The following KCNQ1 variants were observed in gnomAD, a reference collection of about 807,000 sequenced individuals.
KCNQ1 encodes the protein potassium voltage-gated channel subfamily Q member 1, also known as potassium voltage-gated channel subfamily KQT member 1.
KCNQ1 carries 49 observed loss-of-function variants against 72.4 expected under a neutral mutation model. That is an observed-to-expected ratio of 0.68 (90% CI 0.54 to 0.86). The LOEUF (loss-of-function observed/expected upper bound fraction) is 0.86, where lower values mean the gene tolerates loss of function less well. Ranked by LOEUF, KCNQ1 falls within the 40% of genes least tolerant of loss-of-function variation. KCNQ1 has a pLI of 0.00. For missense variants in KCNQ1, 790 were observed against 945.1 expected (o/e 0.84, Z 2.15); for synonymous variants, 450 against 412.6 (o/e 1.09, Z -1.10).
At chr11:2,556,514 T>G (rs1848072481) in intron 2 of KCNQ1, among the ~76,000 whole-genome samples, 1 of 152,220 alleles carries the variant, frequency 6.6e-6, no homozygotes, top group Non-Finnish European at 1.5e-5. Flanking sequence ...TGGCTGTTTT[T>G]GTGCTATAAC....
At chr11:2,840,833 G>C (rs1590124140) in intron 15 of KCNQ1, among the ~76,000 whole-genome samples, 1 of 152,344 alleles carries the variant, frequency 6.6e-6, no homozygotes, top group Non-Finnish European at 1.5e-5. Flanking sequence ...ACCCTGGGAG[G>C]GAGTGGGCTT....
rs148713105 is a variant in KCNQ1 at position 2,604,369 on chromosome 11, T to A, written c.1393+15515T>A. Among the ~76,000 whole-genome samples, 270 of 151,438 alleles carry A rather than the reference T, an allele frequency of 1.8e-3. 1 individual carries two copies. Among genetic ancestry groups the A allele is most frequent in the Middle Eastern group, 0.01 (3 of 294 alleles). Reference sequence around the variant, plus strand: ...GGCAGGTGCCTGTAATTCCAGCTACTCGGGAGGCTGAGGCAAGAGAATTGC... The same window carrying A: ...GGCAGGTGCCTGTAATTCCAGCTACACGGGAGGCTGAGGCAAGAGAATTGC... On this transcript the variant is annotated intron_variant, in intron 10 of 15. Transcript: ENST00000155840.
At position 2,818,716 on chromosome 11, in the gene KCNQ1, C is replaced by A. The variant is rs1490104769; in HGVS notation, c.1795-29051C>A. ...GCACCAGCTGCCCAGAGCCCCCAGCCCCTACCCTAGTCTGATGACCCAGGC... is the reference window on the plus strand; with the variant it reads ...GCACCAGCTGCCCAGAGCCCCCAGCACCTACCCTAGTCTGATGACCCAGGC... On this transcript the variant is annotated intron_variant, in intron 15 of 15. Coordinates refer to ENST00000155840, the MANE Select transcript of KCNQ1 (RefSeq NM_000218.3). The surrounding 1 kb of genome is among the most constrained non-coding windows in gnomAD (Gnocchi z 7.2). 6.6e-6 allele frequency among the ~76,000 whole-genome samples: 1 copy of A among 152,100 alleles called. No individual in the cohort carries two copies. Among genetic ancestry groups the A allele is most frequent in the African/African-American group, 2.4e-5 (1 of 41,410 alleles).
Position 2,679,322 on chromosome 11 carries a change from T to A in KCNQ1, c.1514+17241T>A, listed in dbSNP as rs1850347145. The A allele has an allele frequency of 2.5e-6, 1 of 398,542 alleles. No individual in the cohort carries two copies. Among genetic ancestry groups the A allele is most frequent in the South Asian group, 1.3e-4 (1 of 7,868 alleles). 24.7% of individuals were successfully genotyped at this position (398,542 alleles called of 1,614,324 possible). On this transcript the variant is annotated intron_variant, in intron 11 of 15. Transcript: ENST00000155840. The surrounding 1 kb of genome is among the most constrained non-coding windows in gnomAD (Gnocchi z 4.8). Reference sequence around the variant, plus strand: ...TAATAACAGGGTCTGGAGTCTGAACTCATATCCTAATTCCACTACTTTCTA... The same window carrying A: ...TAATAACAGGGTCTGGAGTCTGAACACATATCCTAATTCCACTACTTTCTA...
At chr11:2,581,996 G>A (rs1006275700) in intron 6 of KCNQ1, among the ~76,000 whole-genome samples, 3 of 152,234 alleles carry the variant, frequency 2.0e-5, no homozygotes, top group African/African-American at 7.2e-5. Flanking sequence ...ATAAGCGAAC[G>A]TGCGGTCAGG....
rs999754019 is a variant in KCNQ1 at position 2,657,776 on chromosome 11, A to G, written c.1394-4185A>G. 2.8e-5 allele frequency: 11 copies of G among 398,544 alleles called. 2 individuals carry two copies. The highest frequency in any genetic ancestry group is 4.4e-5 in the Admixed American group (1 of 22,736). 24.7% of individuals were successfully genotyped at this position (398,544 alleles called of 1,614,324 possible). ...CAGTCTTGTTCTTCATTAACTTGAC[A>G]CTTTTGAAGAATACCAGTCAGGTGT... On this transcript the variant is annotated intron_variant, in intron 10 of 15. Transcript: ENST00000155840. This position sits in a 1 kb window ranked among gnomAD's most constrained non-coding sequence, Gnocchi z 4.8.
At position 2,496,495 on chromosome 11, in the gene KCNQ1, C is replaced by CTTTTTTTTTTTTT; in HGVS notation, c.387-31420_387-31408dup. Among the ~76,000 whole-genome samples, 156 of 29,786 alleles carry CTTTTTTTTTTTTT rather than the reference C, an allele frequency of 5.2e-3. 22 individuals are homozygous for CTTTTTTTTTTTTT. The highest frequency in any genetic ancestry group is 0.013 in the East Asian group (9 of 698). 19.5% of individuals were successfully genotyped at this position (29,786 alleles called of 152,430 possible). A position where few individuals can be genotyped will look rare whatever the true frequency, so the allele number is the denominator to read the frequency against. On this transcript the variant is annotated intron_variant, in intron 1 of 15. Coordinates refer to ENST00000155840, the MANE Select transcript of KCNQ1 (RefSeq NM_000218.3). ...AAAATGGCTAGGATCACAACCCCTGCTTTTTTTTTTTTTTTTTTTTTTTTT... is the reference window on the plus strand; with the variant it reads ...AAAATGGCTAGGATCACAACCCCTGCTTTTTTTTTTTTTTTTTTTTTTTTTTTTTTTTTTTTTT...
intron 2 of KCNQ1, among the ~76,000 whole-genome samples, chr11:2,539,814 G>C (rs1847794571): frequency 6.6e-6 from 1 of 152,226 alleles, no homozygotes; most frequent in African/African-American, 2.4e-5. Context: ...TTTATGTTCT[G>C]CCTGAGGGCT....
intron 15 of KCNQ1, chr11:2,840,127 ACAAT>A (rs1411348109): frequency 6.4e-4 from 10 of 15,616 alleles, no homozygotes; most frequent in Admixed American, 4.2e-3. Context: ...AATAACATAA[ACAAT>A]CAATTAACAC....
At chr11:2,778,664 G>T (rs1272078550) in intron 15 of KCNQ1, among the ~76,000 whole-genome samples, 1 of 152,216 alleles carries the variant, frequency 6.6e-6, no homozygotes, top group Non-Finnish European at 1.5e-5. Flanking sequence ...CGGGCCCATG[G>T]CTGAGCCCAC....
At position 2,507,915 on chromosome 11, in the gene KCNQ1, G is replaced by C. The variant is rs1847130176; in HGVS notation, c.387-20013G>C. Among the ~76,000 whole-genome samples, 1 of 152,160 alleles carries C rather than the reference G, an allele frequency of 6.6e-6. No homozygotes were observed. The highest frequency in any genetic ancestry group is 2.4e-5 in the African/African-American group (1 of 41,428). On this transcript the variant is annotated intron_variant, in intron 1 of 15. Transcript: ENST00000155840. The surrounding 1 kb of genome is among the most constrained non-coding windows in gnomAD (Gnocchi z 5.4). ...GAGGAAGAACAAAGGACTCTGTGTT[G>C]AGCCCTCCTGAGAGGTTTTGGAACT...
intron 1 of KCNQ1, among the ~76,000 whole-genome samples, chr11:2,487,072 C>G (rs1025425772): frequency 6.6e-6 from 1 of 152,166 alleles, no homozygotes; most frequent in Non-Finnish European, 1.5e-5. Context: ...AAGTAAGGGT[C>G]CAGCTTCCCT....
intron 1 of KCNQ1, among the ~76,000 whole-genome samples, chr11:2,510,993 T>C (rs1414171534): frequency 6.6e-6 from 1 of 152,222 alleles, no homozygotes; most frequent in Non-Finnish European, 1.5e-5. Context: ...CCTCTTGCCC[T>C]GCCTCTCCCC....
intron 1 of KCNQ1, among the ~76,000 whole-genome samples, chr11:2,452,785 C>G (rs977438513): frequency 3.3e-5 from 5 of 152,194 alleles, no homozygotes; most frequent in Admixed American, 3.3e-4. Context: ...TTTTTAAAAA[C>G]CGCATGTAAC....
chr11:2,826,381 G>C lies in KCNQ1; in HGVS notation c.1795-21386G>C, dbSNP rs1044130243. Among the ~76,000 whole-genome samples, 1 of 152,240 alleles carries C rather than the reference G, an allele frequency of 6.6e-6. No individual in the cohort carries two copies. The highest frequency in any genetic ancestry group is 1.9e-4 in the East Asian group (1 of 5,198). On this transcript the variant is annotated intron_variant, in intron 15 of 15. Coordinates refer to ENST00000155840, the MANE Select transcript of KCNQ1 (RefSeq NM_000218.3). This position sits in a 1 kb window ranked among gnomAD's most constrained non-coding sequence, Gnocchi z 4.2. ...CTCCTGGCAGTAACCAGGCCAGCTG[G>C]GGGTCAGAACCCGCGGCCAGGCCCA...
chr11:2,628,443 A>G, intron 10 of KCNQ1: 1 of 398,516 alleles, frequency 2.5e-6, no homozygotes, highest in Non-Finnish European at 4.4e-6. Flanking sequence ...TTCTTTGAAT[A>G]AATGTCTATT....
intron 10 of KCNQ1, chr11:2,629,550 G>A: frequency 2.5e-6 from 1 of 398,388 alleles, no homozygotes; most frequent in Non-Finnish European, 4.4e-6. Flanking sequence ...CTCACGTGAG[G>A]ATATCCAGTT....
At chr11:2,648,297 T>C (rs1408819489) in intron 10 of KCNQ1, 1 of 398,488 alleles carries the variant, frequency 2.5e-6, no homozygotes, top group African/African-American at 2.1e-5. Context: ...CTTTACTATT[T>C]ATTTCCTTCT....
Position 2,446,303 on chromosome 11 carries a change from G to A in KCNQ1, c.386+819G>A, listed in dbSNP as rs1024002076. 2.0e-5 allele frequency among the ~76,000 whole-genome samples: 3 copies of A among 152,182 alleles called. No individual in the cohort carries two copies. Among genetic ancestry groups the A allele is most frequent in the Non-Finnish European group, 4.4e-5 (3 of 68,018 alleles). ...CCATGCCTGCCTGGGGCCTTCCCCC[G>A]CTGCCCCAGTGGCCCTACTTCCTGG... On this transcript the variant is annotated intron_variant, in intron 1 of 15. Coordinates refer to ENST00000155840, the MANE Select transcript of KCNQ1 (RefSeq NM_000218.3). The surrounding 1 kb of genome is among the most constrained non-coding windows in gnomAD (Gnocchi z 8.8).
Sources: allele counts gnomAD v4.1 joint callset (sites outside exome capture counted in the v4.1 genomes callset), GRCh38; gene constraint gnomAD v4.1.1; non-coding constraint Gnocchi (gnomAD v3.1); transcripts MANE v1.5; gene names NCBI Gene and HGNC (gene_info 2026-07-23, HGNC 2026-07-21).